The following SLC39A11 variants were observed in gnomAD, a reference collection of about 807,000 sequenced individuals.
SLC39A11 encodes solute carrier family 39 member 11, also known as zinc transporter ZIP11.
A neutral mutation model predicts 36.1 loss-of-function variants in SLC39A11; 33 were observed. That is an observed-to-expected ratio of 0.91 (90% CI 0.69 to 1.22). SLC39A11 has a LOEUF of 1.22. Among genes scored for constraint, SLC39A11 ranks in the 50% most tolerant of loss-of-function variants. The pLI is 0.00. For missense variants in SLC39A11, 432 were observed against 430.3 expected (o/e 1.00, Z -0.03); for synonymous variants, 166 against 170.3 (o/e 0.97, Z 0.20).
chr17:72,887,116 G>C (rs966825310), intron 5 of SLC39A11, among the ~76,000 whole-genome samples: 1 of 152,152 alleles, frequency 6.6e-6, no homozygotes, highest in Non-Finnish European at 1.5e-5. Context: ...AAAGTCCTGT[G>C]AGGGCAGGAG....
chr17:72,672,060 C>T (rs915780176), intron 7 of SLC39A11, among the ~76,000 whole-genome samples: 1 of 149,428 alleles, frequency 6.7e-6, no homozygotes, highest in African/African-American at 2.5e-5. Flanking sequence ...CACACACACA[C>T]AGATGGTAAC....
chr17:72,738,396 G>A (rs2074526908), intron 6 of SLC39A11, among the ~76,000 whole-genome samples: 2 of 152,188 alleles, frequency 1.3e-5, no homozygotes, highest in Non-Finnish European at 1.5e-5. Context: ...GGTCTACACT[G>A]ATGGGGTGGC....
At chr17:72,812,250 C>G (rs149759318) in intron 6 of SLC39A11, among the ~76,000 whole-genome samples, 247 of 152,334 alleles carry the variant, frequency 1.6e-3, no homozygotes, top group Middle Eastern at 0.014. Context: ...TCTGGGCAGT[C>G]AACCTGATGG....
At chr17:72,999,071 G>T (rs562910339) in intron 4 of SLC39A11, among the ~76,000 whole-genome samples, 57 of 152,276 alleles carry the variant, frequency 3.7e-4, no homozygotes, top group Non-Finnish European at 7.2e-4. Flanking sequence ...AGGGCAACAG[G>T]TCTGATGTGA....
chr17:72,774,761 G>C (rs1003173335), intron 6 of SLC39A11, among the ~76,000 whole-genome samples: 1 of 152,186 alleles, frequency 6.6e-6, no homozygotes, highest in Admixed American at 6.6e-5. Flanking sequence ...GTGGCTTCTA[G>C]TTAGAGCACC....
At chr17:73,000,280 C>CCT (rs1218115447) in intron 4 of SLC39A11, among the ~76,000 whole-genome samples, 1 of 150,484 alleles carries the variant, frequency 6.6e-6, no homozygotes, top group Non-Finnish European at 1.5e-5. Context: ...TCCTTTCTCC[C>CCT]CTCTCTCTCT....
intron 6 of SLC39A11, among the ~76,000 whole-genome samples, chr17:72,802,404 G>A (rs974845866): frequency 2.6e-5 from 4 of 151,876 alleles, no homozygotes; most frequent in Admixed American, 6.6e-5. Flanking sequence ...AGCCTGACCA[G>A]CGTGGTGAAA....
chr17:72,690,856 C>G (rs1239199772), intron 7 of SLC39A11, among the ~76,000 whole-genome samples: 1 of 152,108 alleles, frequency 6.6e-6, no homozygotes, highest in African/African-American at 2.4e-5. Context: ...CCGAGACCAA[C>G]AAGACCAGGT....
chr17:72,831,490 G>C (rs893654077), intron 6 of SLC39A11, among the ~76,000 whole-genome samples: 1 of 152,148 alleles, frequency 6.6e-6, no homozygotes, highest in Non-Finnish European at 1.5e-5. Context: ...TTTATCTCCT[G>C]GTGAAGCCAG....
At chr17:72,791,808 C>A (rs1728055648) in intron 6 of SLC39A11, among the ~76,000 whole-genome samples, 1 of 152,186 alleles carries the variant, frequency 6.6e-6, no homozygotes, top group Non-Finnish European at 1.5e-5. Context: ...TTGCTCGGCA[C>A]TTCTCTCTCC....
intron 4 of SLC39A11, among the ~76,000 whole-genome samples, chr17:73,013,580 T>C (rs998628097): frequency 1.3e-5 from 2 of 152,206 alleles, no homozygotes; most frequent in African/African-American, 2.4e-5. Flanking sequence ...GCCCTCCCTC[T>C]AAAGCAAGCT....
intron 5 of SLC39A11, among the ~76,000 whole-genome samples, chr17:72,942,613 A>G (rs2085185873): frequency 6.6e-6 from 1 of 152,226 alleles, no homozygotes; most frequent in African/African-American, 2.4e-5. Flanking sequence ...CTTCAGGAAG[A>G]CATGGAAAGT....
chr17:72,852,503 C>T (rs1303209766), intron 5 of SLC39A11, among the ~76,000 whole-genome samples: 1 of 152,174 alleles, frequency 6.6e-6, no homozygotes, highest in Non-Finnish European at 1.5e-5. Flanking sequence ...CAACTCCTCC[C>T]AGACAGTATT....
At chr17:72,660,517 C>G (rs1168498590) in intron 7 of SLC39A11, among the ~76,000 whole-genome samples, 1 of 152,180 alleles carries the variant, frequency 6.6e-6, no homozygotes, top group Non-Finnish European at 1.5e-5. Flanking sequence ...GGCCTCCTAA[C>G]TGCTACTGTG....
At chr17:72,976,546 A>T (rs2087861883) in intron 4 of SLC39A11, among the ~76,000 whole-genome samples, 1 of 152,302 alleles carries the variant, frequency 6.6e-6, no homozygotes, top group African/African-American at 2.4e-5. Context: ...TCATTTGCAG[A>T]AAGGCACAGA....
At chr17:72,725,237 G>A (rs187810304) in intron 7 of SLC39A11, among the ~76,000 whole-genome samples, 7 of 152,264 alleles carry the variant, frequency 4.6e-5, no homozygotes, top group Non-Finnish European at 7.4e-5. Context: ...AGGACTTTTC[G>A]CACCTCTATG....
rs9916690 is a variant in SLC39A11 at position 72,845,440 on chromosome 17, G to A, written c.601+4194C>T. On this transcript the variant is annotated intron_variant, in intron 6 of 9. Coordinates refer to ENST00000255559, the MANE Select transcript of SLC39A11 (RefSeq NM_139177.4). ...GTTCCCTCTGCCTAAAACACTCACT[G>A]TTTCCCAGAGATCTGCATGACTGAC... is the stretch of plus-strand genomic sequence containing the variant. Among the ~76,000 whole-genome samples the A allele has an allele frequency of 4.6e-5, 7 of 152,224 alleles. No individual in the cohort carries two copies. In the East Asian group the frequency reaches 9.6e-4, roughly 21 times the overall value.
chr17:72,864,165 A>AC (rs1460986631), intron 5 of SLC39A11, among the ~76,000 whole-genome samples: 2 of 152,214 alleles, frequency 1.3e-5, no homozygotes, highest in African/African-American at 4.8e-5. Context: ...CTTTTCTCAC[A>AC]CTATGACTAC....
intron 5 of SLC39A11, among the ~76,000 whole-genome samples, chr17:72,892,645 G>C (rs2081816365): frequency 6.6e-6 from 1 of 152,146 alleles, no homozygotes; most frequent in Non-Finnish European, 1.5e-5. Flanking sequence ...AGACAAAATT[G>C]AATCTCTTGG....
Sources: gnomAD v4.1 joint callset for allele counts (sites outside exome capture counted in the v4.1 genomes callset) on GRCh38, gnomAD v4.1.1 for gene constraint, MANE v1.5 for transcripts, NCBI Gene and HGNC (gene_info 2026-07-23, HGNC 2026-07-21) for gene names.